RSPH4A: variants seen among roughly 807,000 people sequenced by gnomAD.
The protein encoded by RSPH4A is radial spoke head protein 4 homolog A.
A neutral mutation model predicts 71.0 loss-of-function variants in RSPH4A; 47 were observed. The ratio of observed to expected loss-of-function variants is 0.66; its 90% CI spans 0.52 to 0.84. RSPH4A has a LOEUF of 0.84. RSPH4A is among the 40% of genes least tolerant of loss of function. RSPH4A has a pLI of 0.00. For synonymous variants in RSPH4A, 282 were observed against 302.3 expected (o/e 0.93, Z 0.70); for missense variants, 793 against 855.2 (o/e 0.93, Z 0.91).
intron 5 of RSPH4A, among the ~76,000 whole-genome samples, chr6:116,630,845 G>GTTTTTGTTT (rs1285123787): frequency 1.5e-5 from 1 of 67,714 alleles, no homozygotes; most frequent in East Asian, 4.2e-4. Context: ...GCTAATTTTT[G>GTTTTTGTTT]TATTTTTTTT....
At chr6:116,623,775 A>G (rs12530399) in intron 2 of RSPH4A, among the ~76,000 whole-genome samples, 17,758 of 152,222 alleles carry the variant, frequency 0.12, 1,756 homozygotes, top group African/African-American at 0.26. Flanking sequence ...CAAGCTCCTT[A>G]TATTATGACT....
At position 116,627,898 on chromosome 6, in the gene RSPH4A, A is replaced by C. The variant is rs374623013; in HGVS notation, c.1191A>C (p.Glu397Asp). 3 of 1,613,774 alleles carry C rather than the reference A, an allele frequency of 1.9e-6. No homozygotes were observed. The highest frequency in any genetic ancestry group is 2.5e-6 in the Non-Finnish European group (3 of 1,179,680). The change falls in exon 3 of 6, where the codon GAA becomes GAC. Residue 397 changes from glutamate (E) to aspartate (D), a missense_variant. Glu to Asp is a conservative substitution (Grantham distance 45, BLOSUM62 2). Coordinates refer to ENST00000229554, the MANE Select transcript of RSPH4A (RefSeq NM_001010892.3). ...VAEERDNGES[E>D]AHEDEEDELP... ...AAGAGAGGGACAATGGAGAAAGTGA[A>C]GCTCATGAAGATGAGGAAGATGAAT... is the stretch of plus-strand genomic sequence containing the variant.
chr6:116,617,512 CTT>C (rs61166013), intron 1 of RSPH4A, among the ~76,000 whole-genome samples: 5 of 141,818 alleles, frequency 3.5e-5, no homozygotes, highest in African/African-American at 2.6e-5. Flanking sequence ...TTTTCTTAAC[CTT>C]TTTTTTTTTT....
chr6:116,630,375 T>C, intron 4 of RSPH4A, 60 bp from the exon 5 acceptor site: 2 of 864,650 alleles, frequency 2.3e-6, no homozygotes, highest in Non-Finnish European at 4.0e-6. Flanking sequence ...AAAAATAGCT[T>C]ACACAGTAGA....
chr6:116,628,016 C>G lies in RSPH4A; in HGVS notation c.1309C>G (p.Pro437Ala), dbSNP rs748859438. The G allele has an allele frequency of 6.2e-7, 1 of 1,614,108 alleles. No homozygotes were observed. Among genetic ancestry groups the G allele is most frequent in the South Asian group, 1.1e-5 (1 of 91,082 alleles). Residue 437 changes from proline (P) to alanine (A), a missense_variant, in exon 3 of 6, where the codon CCA becomes GCA. By Grantham distance (27) the Pro-to-Ala change is conservative. Transcript: ENST00000229554. ...NKYVYFVCNE[P>A]GRPWVKLPPV... Reference sequence around the variant, plus strand: ...ATATGTCTATTTTGTTTGCAATGAACCAGGAAGACCATGGGTGAAGTTACC... The same window carrying G: ...ATATGTCTATTTTGTTTGCAATGAAGCAGGAAGACCATGGGTGAAGTTACC...
intron 1 of RSPH4A, among the ~76,000 whole-genome samples, chr6:116,619,447 A>T (rs773867060): frequency 6.6e-6 from 1 of 152,210 alleles, no homozygotes; most frequent in African/African-American, 2.4e-5. Flanking sequence ...GAGAAGCGGT[A>T]TGAGACTTAT....
intron 5 of RSPH4A, among the ~76,000 whole-genome samples, chr6:116,631,341 A>C (rs1372752281): frequency 6.6e-6 from 1 of 152,192 alleles, no homozygotes; most frequent in African/African-American, 2.4e-5. Flanking sequence ...ATTTACTGTG[A>C]TAGTATAAAC....
chr6:116,617,611 C>A (rs1775534440), intron 1 of RSPH4A, among the ~76,000 whole-genome samples: 1 of 150,950 alleles, frequency 6.6e-6, no homozygotes, highest in East Asian at 1.9e-4. Flanking sequence ...TTGAAAAAGA[C>A]CATAAAGACC....
At chr6:116,629,821 A>G (rs1775763424) in intron 4 of RSPH4A, 119 bp downstream of exon 4, 1 of 882,226 alleles carries the variant, frequency 1.1e-6, no homozygotes, top group Admixed American at 2.0e-5. Context: ...CCAAGGTCTC[A>G]TCCTCTTCCC....
At chr6:116,617,581 G>A (rs944493285) in intron 1 of RSPH4A, among the ~76,000 whole-genome samples, 1 of 150,464 alleles carries the variant, frequency 6.6e-6, no homozygotes, top group African/African-American at 2.5e-5. Context: ...ATAAAACTTA[G>A]GAATTATGGA....
rs1228541123 is a variant in RSPH4A at position 116,623,003 on chromosome 6, G to A, written c.921+1G>A. ...TGACCAAGAATTGGAAGATGAAATA[G>A]TAAGTCACTACTACAAATTTTAATA... On this transcript the variant is annotated splice_donor_variant, in intron 2 of 5. Transcript: ENST00000229554. LOFTEE classifies it high-confidence loss of function. 1 of 1,545,020 alleles carries A rather than the reference G, an allele frequency of 6.5e-7. No homozygotes were observed. The highest frequency in any genetic ancestry group is 1.4e-5 in the African/African-American group (1 of 73,496).
Position 116,632,695 on chromosome 6 carries a change from T to C in RSPH4A, c.*254T>C. On this transcript the variant is annotated 3_prime_UTR_variant, in exon 6 of 6. Coordinates refer to ENST00000229554, the MANE Select transcript of RSPH4A (RefSeq NM_001010892.3). ...AATTGCATAATTGTTCTGAGGGTTA[T>C]GGATAATGGAATATGTGTTTGTACA... 1 of 442,780 alleles carries C rather than the reference T, an allele frequency of 2.3e-6. No individual in the cohort carries two copies. Among genetic ancestry groups the C allele is most frequent in the South Asian group, 2.2e-5 (1 of 46,472 alleles). 27.4% of individuals were successfully genotyped at this position (442,780 alleles called of 1,614,324 possible).
At chr6:116,622,420 A>C (rs990484935) in intron 1 of RSPH4A, among the ~76,000 whole-genome samples, 4 of 152,218 alleles carry the variant, frequency 2.6e-5, no homozygotes, top group Admixed American at 2.6e-4. Context: ...TCGTGCTCTA[A>C]AATGTTTTTC....
At chr6:116,627,593 A>G (rs1412948300) in intron 2 of RSPH4A, 36 bp from the exon 3 acceptor site, 2 of 1,463,452 alleles carry the variant, frequency 1.4e-6, no homozygotes, top group Non-Finnish European at 1.9e-6. Context: ...CATTTGTCTT[A>G]TTGATAAATT....
At chr6:116,623,786 T>G (rs887393742) in intron 2 of RSPH4A, among the ~76,000 whole-genome samples, 7 of 152,264 alleles carry the variant, frequency 4.6e-5, no homozygotes, top group Admixed American at 4.6e-4. Flanking sequence ...TATTATGACT[T>G]GATATTATGT....
chr6:116,619,773 C>G (rs1775570514), intron 1 of RSPH4A, among the ~76,000 whole-genome samples: 2 of 152,082 alleles, frequency 1.3e-5, no homozygotes, highest in African/African-American at 4.8e-5. Flanking sequence ...GGCTGGAGTT[C>G]AGTAGCACGA....
In RSPH4A at chr6:116,616,953, G is replaced by A. The variant is rs1196599759; in HGVS notation, c.330G>A (p.Ser110=). ...AAGACCTCGCGGCACCACCTCAGTC[G>A]GACAGGACCACGAGTGTGATTCCTG... The part of the protein sequence containing the change: ...ARQDLAAPPQ[S]DRTTSVIPEA... Residue 110 remains serine (S), a synonymous_variant, in exon 1 of 6, where the codon TCG becomes TCA. Transcript: ENST00000229554. 3.0e-5 allele frequency: 48 copies of A among 1,614,052 alleles called. No individual in the cohort carries two copies. The highest frequency in any genetic ancestry group is 5.0e-5 in the Admixed American group (3 of 60,004).
rs1186602025 is a variant in RSPH4A, at chr6:116,628,132, T to C, written c.1425T>C (p.Pro475=). 6 of 1,614,216 alleles carry C rather than the reference T, an allele frequency of 3.7e-6. No individual in the cohort carries two copies. The South Asian group carries it at 6.6e-5, about 18-fold the overall frequency. ...ATGCTCCCATCATAAGCTACCCACC[T>C]TTCCCAGGAAATGAGAGTAATTATT... ...RLDAPIISYP[P]FPGNESNYLR... is the part of the protein sequence containing the mutation. Residue 475 remains proline, a synonymous_variant, in exon 3 of 6, where the codon CCT becomes CCC. Coordinates refer to ENST00000229554, the MANE Select transcript of RSPH4A (RefSeq NM_001010892.3).
chr6:116,618,648 G>A (rs1177630881), intron 1 of RSPH4A, among the ~76,000 whole-genome samples: 2 of 152,212 alleles, frequency 1.3e-5, no homozygotes, highest in African/African-American at 4.8e-5. Context: ...CAAGTAACTG[G>A]GATTACAGGC....
Sources: allele counts gnomAD v4.1 joint callset (sites outside exome capture counted in the v4.1 genomes callset), GRCh38; gene constraint gnomAD v4.1.1; transcripts MANE v1.5; gene names NCBI Gene and HGNC (gene_info 2026-07-23, HGNC 2026-07-21).